AJAP1: variants seen among roughly 807,000 people sequenced by gnomAD.
AJAP1 encodes adherens junction-associated protein 1.
A neutral mutation model predicts 35.0 loss-of-function variants in AJAP1; 5 were observed. The ratio of observed to expected loss-of-function variants is 0.14; its 90% CI spans 0.07 to 0.30. The LOEUF is 0.30. Ranked by LOEUF, AJAP1 falls within the 10% of genes least tolerant of loss-of-function variation. The pLI is 1.00. For synonymous variants in AJAP1, 284 were observed against 249.3 expected (o/e 1.14, Z -1.31); for missense variants, 586 against 571.0 (o/e 1.03, Z -0.27).
chr1:4,693,226 G>A lies in AJAP1; in HGVS notation c.30-18674G>A, dbSNP rs561791547. Among the ~76,000 whole-genome samples, 1 of 152,186 alleles carries A rather than the reference G, an allele frequency of 6.6e-6. No homozygotes were observed. The highest frequency in any genetic ancestry group is 2.1e-4 in the South Asian group (1 of 4,820). ...CAAAGGCCCACCCGAGTGGGGAGGC[G>A]CCCATGGGAACTTTAGACACCAGGC... is the stretch of plus-strand genomic sequence containing the variant. On this transcript the variant is annotated intron_variant, in intron 1 of 5. Transcript: ENST00000378191. This position sits in a 1 kb window ranked among gnomAD's most constrained non-coding sequence, Gnocchi z 4.4.
At chr1:4,713,710 G>A (rs1038425122) in intron 2 of AJAP1, among the ~76,000 whole-genome samples, 2 of 152,256 alleles carry the variant, frequency 1.3e-5, no homozygotes, top group African/African-American at 4.8e-5. Context: ...TCACAACCTA[G>A]ATCTGTGCAT....
intron 1 of AJAP1, among the ~76,000 whole-genome samples, chr1:4,703,554 C>T (rs184878072): frequency 7.8e-4 from 119 of 152,278 alleles, no homozygotes; most frequent in Non-Finnish European, 1.4e-3. Flanking sequence ...TTAGGGATAA[C>T]GAGGCCATTT....
Position 4,696,154 on chromosome 1 carries a change from G to T in AJAP1, c.30-15746G>T, listed in dbSNP as rs183660454. On this transcript the variant is annotated intron_variant, in intron 1 of 5. Transcript: ENST00000378191. ...TTGAGACGCAGGGGTTTTGGGTTGA[G>T]GGGGGGAGCAGGGAGGCTCCCTGGC... 1.1e-4 allele frequency among the ~76,000 whole-genome samples: 16 copies of T among 150,554 alleles called. 1 individual carries two copies. In the East Asian group the frequency reaches 2.9e-3, roughly 27 times the overall value.
chr1:4,664,324 A>G (rs1639067799), intron 1 of AJAP1, among the ~76,000 whole-genome samples: 1 of 152,232 alleles, frequency 6.6e-6, no homozygotes, highest in South Asian at 2.1e-4. Context: ...ATTTGAGCCC[A>G]GCATCCAGGG....
At chr1:4,759,506 C>T (rs139982557) in intron 2 of AJAP1, among the ~76,000 whole-genome samples, 253 of 152,238 alleles carry the variant, frequency 1.7e-3, no homozygotes, top group Admixed American at 5.7e-3. Flanking sequence ...CCCGTGTCTT[C>T]TGCTCCAGGG....
chr1:4,779,243 G>A (rs1020196609), intron 5 of AJAP1, among the ~76,000 whole-genome samples: 9 of 152,196 alleles, frequency 5.9e-5, no homozygotes, highest in African/African-American at 2.2e-4. Context: ...GGAAGAAGAA[G>A]AGGAAGAGTG....
intron 1 of AJAP1, among the ~76,000 whole-genome samples, chr1:4,675,723 C>A (rs985473164): frequency 6.6e-6 from 1 of 152,346 alleles, no homozygotes; most frequent in South Asian, 2.1e-4. Flanking sequence ...AAGGTCTGAC[C>A]TCTCTTGGGC....
Position 4,769,599 on chromosome 1 carries a change from G to A in AJAP1, c.830-254G>A, listed in dbSNP as rs541677779. On this transcript the variant is annotated intron_variant, in intron 2 of 5. Transcript: ENST00000378191. ...AGGTCACGGCTTGGAGACTGACAGG[G>A]TGGTGGTGGAAGGAGAGAGCCCAGA... Among the ~76,000 whole-genome samples, 4 of 152,254 alleles carry A rather than the reference G, an allele frequency of 2.6e-5. No individual in the cohort carries two copies. In the South Asian group the frequency reaches 8.3e-4, roughly 32 times the overall value.
chr1:4,674,810 G>C (rs1639329136), intron 1 of AJAP1, among the ~76,000 whole-genome samples: 1 of 152,222 alleles, frequency 6.6e-6, no homozygotes, highest in African/African-American at 2.4e-5. Flanking sequence ...TGGATCTCTG[G>C]CAGAAAGTTC....
chr1:4,768,726 C>T lies in AJAP1; in HGVS notation c.830-1127C>T, dbSNP rs1367593999. Among the ~76,000 whole-genome samples, 3 of 152,328 alleles carry T rather than the reference C, an allele frequency of 2.0e-5. No homozygotes were observed. In the East Asian group the frequency reaches 5.8e-4, roughly 29 times the overall value. The stretch of plus-strand genomic sequence containing the variant: ...GATGAGTAGGAGGAGGTGCTGCCAC[C>T]TGCGGGCTTGGCGGACTCCCTCACT... On this transcript the variant is annotated intron_variant, in intron 2 of 5. Coordinates refer to ENST00000378191, the MANE Select transcript of AJAP1 (RefSeq NM_018836.4).
chr1:4,712,235 C>T lies in AJAP1; in HGVS notation c.365C>T (p.Ala122Val). 1 of 1,535,762 alleles carries T rather than the reference C, an allele frequency of 6.5e-7. No homozygotes were observed. The highest frequency in any genetic ancestry group is 8.7e-7 in the Non-Finnish European group (1 of 1,149,260). The change falls in exon 2 of 6, where the codon GCT becomes GTT. Residue 122 changes from alanine (A) to valine (V), a missense_variant. Ala to Val is a moderately conservative substitution (Grantham distance 64). Coordinates refer to ENST00000378191, the MANE Select transcript of AJAP1 (RefSeq NM_018836.4). ...AAGGCAGGACTGGCCAAGCCCCCAG[C>T]TGCTGCCAAATCCAGCCCTTCCCTC... Reference protein sequence around the residue: ...VPKAGLAKPPAAAKSSPSLAS... With the variant: ...VPKAGLAKPPVAAKSSPSLAS...
chr1:4,712,519 G>GCCGCCA lies in AJAP1; in HGVS notation c.652_657dup (p.Ala218_Thr219dup). 1 of 1,612,462 alleles carries GCCGCCA rather than the reference G, an allele frequency of 6.2e-7. No homozygotes were observed. The highest frequency in any genetic ancestry group is 1.7e-4 in the Middle Eastern group (1 of 6,058). ...CCTACAAACACGGAAGACAACTGTG[G>GCCGCCA]CCGCCACCACCACCACCACCACCAC... is the stretch of plus-strand genomic sequence containing the variant. On this transcript the variant is annotated inframe_insertion, in exon 2 of 6. Coordinates refer to ENST00000378191, the MANE Select transcript of AJAP1 (RefSeq NM_018836.4).
chr1:4,677,255 G>T (rs1639381363), intron 1 of AJAP1, among the ~76,000 whole-genome samples: 1 of 152,206 alleles, frequency 6.6e-6, no homozygotes, highest in Non-Finnish European at 1.5e-5. Context: ...GTGACATGTG[G>T]CTGGGATGCT....
chr1:4,738,040 G>A (rs1486896046), intron 2 of AJAP1, among the ~76,000 whole-genome samples: 1 of 152,230 alleles, frequency 6.6e-6, no homozygotes, highest in Admixed American at 6.5e-5. Flanking sequence ...CCTGCCTGGG[G>A]GAAACAGCTT....
intron 5 of AJAP1, chr1:4,777,399 A>G (rs924794873): frequency 1.3e-5 from 2 of 152,188 alleles, no homozygotes; most frequent in African/African-American, 4.8e-5. Flanking sequence ...GTTTTCTTGC[A>G]GGCGGTTGTC....
At chr1:4,724,159 C>G (rs916214370) in intron 2 of AJAP1, among the ~76,000 whole-genome samples, 1 of 152,182 alleles carries the variant, frequency 6.6e-6, no homozygotes, top group Admixed American at 6.5e-5. Context: ...CAGGTGCACA[C>G]AGAGGTCACG....
chr1:4,661,888 A>G (rs1277756934), intron 1 of AJAP1, among the ~76,000 whole-genome samples: 3 of 152,222 alleles, frequency 2.0e-5, no homozygotes, highest in Admixed American at 1.3e-4. Context: ...CTGCTATTCA[A>G]TCTATTTAAT....
intron 5 of AJAP1, among the ~76,000 whole-genome samples, chr1:4,781,854 G>A (rs1056654252): frequency 5.9e-5 from 9 of 152,222 alleles, no homozygotes; most frequent in Non-Finnish European, 1.2e-4. Context: ...TCCATTTTCC[G>A]AGGCTCGGGC....
At chr1:4,724,519 G>A (rs979112101) in intron 2 of AJAP1, among the ~76,000 whole-genome samples, 11 of 152,020 alleles carry the variant, frequency 7.2e-5, no homozygotes, top group Non-Finnish European at 1.5e-4. Flanking sequence ...ATGGCCACTT[G>A]CACTTGCCCA....
Sources: gnomAD v4.1 joint callset for allele counts (sites outside exome capture counted in the v4.1 genomes callset) on GRCh38, gnomAD v4.1.1 for gene constraint, Gnocchi (gnomAD v3.1) non-coding constraint, MANE v1.5 for transcripts, NCBI Gene and HGNC (gene_info 2026-07-23, HGNC 2026-07-21) for gene names.